The following DMXL2 variants were observed in gnomAD, a reference collection of about 807,000 sequenced individuals.
The protein encoded by DMXL2 is dmX-like protein 2.
In DMXL2, 103 loss-of-function variants were observed where a neutral mutation model predicts 331.1. The ratio of observed to expected loss-of-function variants is 0.31; its 90% CI spans 0.27 to 0.37. The LOEUF (loss-of-function observed/expected upper bound fraction) is 0.37, where lower values mean the gene tolerates loss of function less well. Ranked by LOEUF, DMXL2 falls within the 10% of genes least tolerant of loss-of-function variation. DMXL2 has a pLI of 1.00. For missense variants in DMXL2, 3,171 were observed against 3,642.9 expected (o/e 0.87, Z 3.33); for synonymous variants, 1,281 against 1,252.1 (o/e 1.02, Z -0.49).
chr15:51,556,065 C>T (rs1022761062), intron 6 of DMXL2, among the ~76,000 whole-genome samples: 3 of 152,270 alleles, frequency 2.0e-5, no homozygotes, highest in Admixed American at 1.3e-4. Context: ...CAGATCAGGC[C>T]GGGCGCGGTG....
intron 8 of DMXL2, among the ~76,000 whole-genome samples, chr15:51,543,729 T>A (rs996599177): frequency 5.3e-5 from 8 of 152,192 alleles, no homozygotes; most frequent in Non-Finnish European, 8.8e-5. Context: ...ATTACGTTTT[T>A]TCTTTTAAAA....
intron 18 of DMXL2, among the ~76,000 whole-genome samples, chr15:51,495,637 C>T (rs978520200): frequency 7.2e-5 from 11 of 152,162 alleles, no homozygotes; most frequent in Non-Finnish European, 1.2e-4. Context: ...GTTAGTGTTA[C>T]ATGGTTAGTT....
At chr15:51,575,387 C>T (rs1277498060) in intron 2 of DMXL2, among the ~76,000 whole-genome samples, 4 of 152,084 alleles carry the variant, frequency 2.6e-5, no homozygotes, top group Non-Finnish European at 5.9e-5. Flanking sequence ...ACTCTATTCT[C>T]GTAGAGACAT....
At chr15:51,517,481 T>C (rs1219472326) in intron 13 of DMXL2, among the ~76,000 whole-genome samples, 1 of 152,240 alleles carries the variant, frequency 6.6e-6, no homozygotes, top group Non-Finnish European at 1.5e-5. Flanking sequence ...GGTCTGCAGA[T>C]GTGCAATGCC....
chr15:51,469,207 AAAAT>A (rs1351390277), intron 29 of DMXL2, among the ~76,000 whole-genome samples: 1 of 151,844 alleles, frequency 6.6e-6, no homozygotes, highest in Non-Finnish European at 1.5e-5. Context: ...TTTTTTTTCA[AAAAT>A]AAATAATGAA....
chr15:51,561,995 A>T (rs2050001137), intron 6 of DMXL2, among the ~76,000 whole-genome samples: 1 of 152,202 alleles, frequency 6.6e-6, no homozygotes, highest in Non-Finnish European at 1.5e-5. Context: ...GATGAAGAGA[A>T]ATTGGTTAAT....
intron 25 of DMXL2, among the ~76,000 whole-genome samples, chr15:51,479,292 C>A (rs2041833379): frequency 6.6e-6 from 1 of 152,116 alleles, no homozygotes; most frequent in East Asian, 1.9e-4. Flanking sequence ...AACAGGGGAC[C>A]TGAATTGTGC....
At chr15:51,606,367 C>T (rs576745394) in intron 1 of DMXL2, among the ~76,000 whole-genome samples, 21 of 152,156 alleles carry the variant, frequency 1.4e-4, no homozygotes, top group East Asian at 1.9e-4. Context: ...CAGCTAATTT[C>T]GTATTTTTAG....
chr15:51,614,759 T>C (rs940705495), intron 1 of DMXL2, among the ~76,000 whole-genome samples: 5 of 152,174 alleles, frequency 3.3e-5, no homozygotes, highest in African/African-American at 1.2e-4. Flanking sequence ...ATAGAGGGCA[T>C]TGCAGGCACT....
intron 30 of DMXL2, 57 bp from the exon 31 acceptor site, chr15:51,465,708 C>CA: frequency 2.3e-6 from 3 of 1,278,160 alleles, no homozygotes; most frequent in East Asian, 4.9e-5. Flanking sequence ...ATGGGAGAAA[C>CA]AGAGTGGTGT....
chr15:51,602,036 C>A (rs1224368954), intron 1 of DMXL2, among the ~76,000 whole-genome samples: 1 of 152,034 alleles, frequency 6.6e-6, no homozygotes, highest in East Asian at 1.9e-4. Context: ...ACAGTGATGT[C>A]TCTCCCACTT....
At chr15:51,453,689 T>C (rs754429972) in intron 40 of DMXL2, 48 bp from the exon 41 acceptor site, 2 of 1,472,646 alleles carry the variant, frequency 1.4e-6, no homozygotes, top group Non-Finnish European at 1.9e-6. Context: ...TTGGATAAAA[T>C]TTGATACAGT....
intron 3 of DMXL2, among the ~76,000 whole-genome samples, chr15:51,565,849 G>A (rs916859812): frequency 1.3e-5 from 2 of 152,008 alleles, no homozygotes; most frequent in African/African-American, 4.8e-5. Context: ...CTGTTTAAAC[G>A]GTAATGCCAT....
intron 29 of DMXL2, among the ~76,000 whole-genome samples, chr15:51,468,959 AAGAGAGAGAGAG>A (rs139561448): frequency 6.7e-6 from 1 of 149,290 alleles, no homozygotes; most frequent in South Asian, 2.1e-4. Flanking sequence ...AAGTTAAAAA[AAGAGAGAGAGAG>A]AGAGAGAGAG....
At chr15:51,483,797 T>G (rs2042191880) in intron 23 of DMXL2, among the ~76,000 whole-genome samples, 2 of 151,834 alleles carry the variant, frequency 1.3e-5, no homozygotes, top group South Asian at 4.2e-4. Flanking sequence ...CACGGCCCTG[T>G]GGGCTATCCC....
At chr15:51,594,759 C>T (rs976537995) in intron 1 of DMXL2, among the ~76,000 whole-genome samples, 9 of 152,160 alleles carry the variant, frequency 5.9e-5, no homozygotes, top group African/African-American at 2.2e-4. Flanking sequence ...GCTGGTTCAA[C>T]ATACGCAAAT....
intron 31 of DMXL2, 87 bp from the exon 32 acceptor site, chr15:51,464,963 A>G: frequency 8.7e-7 from 1 of 1,155,444 alleles, no homozygotes; most frequent in Non-Finnish European, 1.2e-6. Flanking sequence ...TCTCAGAGAT[A>G]ATACTTCTGA....
chr15:51,564,348 T>C (rs559782034), intron 4 of DMXL2, 88 bp from the exon 5 acceptor site: 18 of 1,015,434 alleles, frequency 1.8e-5, no homozygotes, highest in African/African-American at 3.4e-5. Flanking sequence ...CTGTAAACTA[T>C]TAATATTATG....
At chr15:51,529,089 C>T (rs2047852734) in intron 13 of DMXL2, among the ~76,000 whole-genome samples, 1 of 151,978 alleles carries the variant, frequency 6.6e-6, no homozygotes, top group South Asian at 2.1e-4. Flanking sequence ...ATACCAAAAT[C>T]TATGGGATAC....
Sources: gnomAD v4.1 joint callset for allele counts (sites outside exome capture counted in the v4.1 genomes callset) on GRCh38, gnomAD v4.1.1 for gene constraint, MANE v1.5 for transcripts, NCBI Gene and HGNC (gene_info 2026-07-23, HGNC 2026-07-21) for gene names.